Variants in IMPG1 observed in about 807,000 individuals in gnomAD.
IMPG1 encodes interphotoreceptor matrix proteoglycan 1, also known as interphotoreceptor matrix proteoglycan of 150 kDa.
IMPG1 carries 85 observed loss-of-function variants against 92.0 expected under a neutral mutation model. The ratio of observed to expected loss-of-function variants is 0.92; its 90% confidence interval spans 0.78 to 1.11. The LOEUF (loss-of-function observed/expected upper bound fraction) is 1.11, where lower values mean the gene tolerates loss of function less well. Ranked by LOEUF, IMPG1 falls within the 50% of genes least tolerant of loss-of-function variation. The pLI is 0.00. For synonymous variants in IMPG1, 367 were observed against 334.1 expected, an observed-to-expected ratio of 1.10 and a Z score of -1.08; for missense variants, 1,022 against 956.0, an observed-to-expected ratio of 1.07 and a Z score of -0.91.
intron 14 of IMPG1, among the ~76,000 whole-genome samples, chr6:75,939,772 C>G (rs1175831819): frequency 6.6e-6 from 1 of 152,020 alleles, no homozygotes; most frequent in East Asian, 1.9e-4. Flanking sequence ...AAATGTAAAC[C>G]TCAAGGAACT....
intron 12 of IMPG1, among the ~76,000 whole-genome samples, chr6:75,975,228 T>C (rs1439548986): frequency 1.3e-5 from 2 of 152,232 alleles, no homozygotes; most frequent in African/African-American, 2.4e-5. Context: ...GCTCAGTCAC[T>C]GGCATGTGCC....
At chr6:76,047,133 T>A (rs762610848) in intron 1 of IMPG1, among the ~76,000 whole-genome samples, 3 of 152,170 alleles carry the variant, frequency 2.0e-5, no homozygotes, top group Non-Finnish European at 4.4e-5. Context: ...CCACTCTTCT[T>A]TTCTAACATA....
intron 1 of IMPG1, among the ~76,000 whole-genome samples, chr6:76,053,968 T>C (rs1394363004): frequency 6.6e-6 from 1 of 152,140 alleles, no homozygotes. Flanking sequence ...TGTATATCTT[T>C]GCCTGTTAAC....
chr6:76,006,379 T>C (rs568656756), intron 9 of IMPG1, among the ~76,000 whole-genome samples: 8 of 148,196 alleles, frequency 5.4e-5, no homozygotes, highest in Non-Finnish European at 7.4e-5. Flanking sequence ...TACACATATA[T>C]GTAAAATATA....
At chr6:75,965,815 G>A (rs1260314375) in intron 12 of IMPG1, among the ~76,000 whole-genome samples, 1 of 151,998 alleles carries the variant, frequency 6.6e-6, no homozygotes, top group Non-Finnish European at 1.5e-5. Flanking sequence ...CACCGTGTTA[G>A]CCAGGATGGT....
intron 1 of IMPG1, among the ~76,000 whole-genome samples, chr6:76,046,011 TTGA>T (rs1237961324): frequency 1.3e-5 from 2 of 152,140 alleles, no homozygotes; most frequent in Non-Finnish European, 2.9e-5. Flanking sequence ...TGTAACCTAC[TTGA>T]TGATGAATTG....
intron 1 of IMPG1, among the ~76,000 whole-genome samples, chr6:76,044,675 T>C (rs1304925734): frequency 6.6e-6 from 1 of 151,618 alleles, no homozygotes; most frequent in Non-Finnish European, 1.5e-5. Flanking sequence ...CCTAACACTT[T>C]GCGCATATCC....
chr6:76,067,214 T>TA (rs138329525), intron 1 of IMPG1, among the ~76,000 whole-genome samples: 4,309 of 145,670 alleles, frequency 0.03, 138 homozygotes, highest in African/African-American at 0.089. Context: ...AAATGGAGAC[T>TA]AAAAAAAAAA....
chr6:76,007,705 A>T (rs1783121736), intron 8 of IMPG1, among the ~76,000 whole-genome samples: 1 of 152,208 alleles, frequency 6.6e-6, no homozygotes, highest in South Asian at 2.1e-4. Flanking sequence ...TGAATCTAAG[A>T]AGTAAACATC....
At chr6:75,995,495 A>T (rs1582092537) in intron 12 of IMPG1, among the ~76,000 whole-genome samples, 2 of 152,276 alleles carry the variant, frequency 1.3e-5, no homozygotes, top group South Asian at 4.1e-4. Flanking sequence ...CCCTCTGCTG[A>T]AAATACCCTT....
At chr6:75,937,175 A>G (rs1408174603) in intron 14 of IMPG1, among the ~76,000 whole-genome samples, 3 of 152,164 alleles carry the variant, frequency 2.0e-5, no homozygotes, top group East Asian at 1.9e-4. Flanking sequence ...GAGAATTCCT[A>G]TGACTGCTCC....
At chr6:75,979,305 G>T (rs1309376163) in intron 12 of IMPG1, among the ~76,000 whole-genome samples, 2 of 152,232 alleles carry the variant, frequency 1.3e-5, no homozygotes, top group African/African-American at 2.4e-5. Context: ...TCAAAAGACA[G>T]TTGGTAGCTT....
intron 15 of IMPG1, among the ~76,000 whole-genome samples, chr6:75,928,877 C>T (rs893324690): frequency 5.9e-5 from 9 of 152,148 alleles, no homozygotes; most frequent in South Asian, 2.1e-4. Context: ...ATTACATGTA[C>T]GGGATCTTTT....
chr6:75,991,641 C>A (rs1427453482), intron 12 of IMPG1, among the ~76,000 whole-genome samples: 2 of 152,130 alleles, frequency 1.3e-5, no homozygotes, highest in African/African-American at 4.8e-5. Flanking sequence ...TATTCTCTTT[C>A]CATTATTGAG....
chr6:75,963,828 G>A (rs964091824), intron 12 of IMPG1, among the ~76,000 whole-genome samples: 9 of 152,134 alleles, frequency 5.9e-5, no homozygotes, highest in African/African-American at 2.2e-4. Context: ...TTACTTATTT[G>A]TTTCAACCTG....
At chr6:75,928,901 CT>C (rs1781612054) in intron 15 of IMPG1, among the ~76,000 whole-genome samples, 1 of 152,126 alleles carries the variant, frequency 6.6e-6, no homozygotes. Context: ...CTGCAATTTG[CT>C]TTCTCATTTA....
chr6:75,932,008 C>G (rs1200801403), intron 14 of IMPG1, among the ~76,000 whole-genome samples: 2 of 152,232 alleles, frequency 1.3e-5, no homozygotes, highest in Admixed American at 1.3e-4. Flanking sequence ...TGTCATCAGA[C>G]CACTGTTGTT....
chr6:75,978,979 A>G (rs1205844054), intron 12 of IMPG1, among the ~76,000 whole-genome samples: 3 of 152,232 alleles, frequency 2.0e-5, no homozygotes, highest in Admixed American at 6.5e-5. Flanking sequence ...TGACATGAAC[A>G]TGACTCACTG....
intron 12 of IMPG1, among the ~76,000 whole-genome samples, chr6:76,000,022 G>A (rs905970478): frequency 2.0e-5 from 3 of 152,192 alleles, no homozygotes; most frequent in African/African-American, 7.2e-5. Context: ...ATGTGGACAG[G>A]ACATGGTACT....
Sources: gnomAD v4.1 joint callset for allele counts (sites outside exome capture counted in the v4.1 genomes callset) on GRCh38, gnomAD v4.1.1 for gene constraint, MANE v1.5 for transcripts, NCBI Gene and HGNC (gene_info 2026-07-23, HGNC 2026-07-21) for gene names.